Variants in PELI1 observed in about 807,000 individuals in gnomAD.
The protein encoded by PELI1 is E3 ubiquitin-protein ligase pellino homolog 1.
PELI1 carries 15 observed loss-of-function variants against 41.3 expected under a neutral mutation model. The ratio of observed to expected loss-of-function variants is 0.36; its 90% CI spans 0.24 to 0.56. The LOEUF (loss-of-function observed/expected upper bound fraction) is 0.56, where lower values mean the gene tolerates loss of function less well. Ranked by LOEUF, PELI1 falls within the 20% of genes least tolerant of loss-of-function variation. PELI1 has a pLI of 0.82. For missense variants in PELI1, 403 were observed against 525.5 expected (o/e 0.77, Z 2.28); for synonymous variants, 178 against 180.1 (o/e 0.99, Z 0.09).
At chr2:64,108,204 T>G in intron 2 of PELI1, 36 bp downstream of exon 2, 1 of 1,211,858 alleles carries the variant, frequency 8.3e-7, no homozygotes, top group Non-Finnish European at 1.2e-6. Context: ...GCATATATTA[T>G]TAAACTGTGT....
chr2:64,110,560 C>T (rs1183442716), intron 1 of PELI1, among the ~76,000 whole-genome samples: 3 of 152,116 alleles, frequency 2.0e-5, no homozygotes, highest in Non-Finnish European at 2.9e-5. Flanking sequence ...AACACGGTAG[C>T]AAAAATATGA....
chr2:64,093,420 C>G lies in PELI1; in HGVS notation c.*1282G>C, dbSNP rs1465308966. On this transcript the variant is annotated 3_prime_UTR_variant, in exon 7 of 7. Transcript: ENST00000358912. ...AAAAGATTTGATGTAGTGCAACTGT[C>G]TATACTTGTGGTGCCTTTGAAAAAA... The G allele has an allele frequency of 6.6e-6, 1 of 152,556 alleles. No individual in the cohort carries two copies. Among genetic ancestry groups the G allele is most frequent in the Non-Finnish European group, 1.5e-5 (1 of 68,012 alleles). 9.5% of individuals were successfully genotyped at this position (152,556 alleles called of 1,614,324 possible). A position where few individuals can be genotyped will look rare whatever the true frequency, so the allele number is the denominator to read the frequency against.
Position 64,100,264 on chromosome 2 carries a change from G to T in PELI1, c.303+134C>A, listed in dbSNP as rs1172407970. The T allele has an allele frequency of 2.7e-5, 16 of 599,678 alleles. No individual in the cohort carries two copies. The East Asian group carries it at 3.4e-4, about 13-fold the overall frequency. 37.1% of individuals were successfully genotyped at this position (599,678 alleles called of 1,614,324 possible). Reference sequence around the variant, plus strand: ...GCTAGATTGACTTCTATTTATAAGGGTTAGCAATCAATCTATATTTTAATA... The same window carrying T: ...GCTAGATTGACTTCTATTTATAAGGTTTAGCAATCAATCTATATTTTAATA... On this transcript the variant is annotated intron_variant, in intron 4 of 6. Coordinates refer to ENST00000358912, the MANE Select transcript of PELI1 (RefSeq NM_020651.4).
At chr2:64,127,941 C>T (rs1681441486) in intron 1 of PELI1, among the ~76,000 whole-genome samples, 1 of 152,040 alleles carries the variant, frequency 6.6e-6, no homozygotes, top group Non-Finnish European at 1.5e-5. Context: ...AAACAGGCTC[C>T]TCCCGTTCAT....
chr2:64,109,595 A>G (rs1680737610), intron 1 of PELI1, among the ~76,000 whole-genome samples: 1 of 152,170 alleles, frequency 6.6e-6, no homozygotes, highest in South Asian at 2.1e-4. Flanking sequence ...CAGGAGAACC[A>G]CTTGAACCCG....
In PELI1 at chr2:64,096,630, A is replaced by T; in HGVS notation, c.304-20T>A. 6.7e-7 allele frequency: 1 copy of T among 1,494,606 alleles called. No individual in the cohort carries two copies. The highest frequency in any genetic ancestry group is 9.3e-7 in the Non-Finnish European group (1 of 1,076,636). The allele number at this position is 1,494,606 out of a possible 1,614,324, so 92.6% of individuals were successfully genotyped here. A position where few individuals can be genotyped will look rare whatever the true frequency, so the allele number is the denominator to read the frequency against. ...GCCAATCTGAGGGAAAAAAAAAAAT[A>T]CCTATAAACCCATTCAAAGAGCACA... On this transcript the variant is annotated intron_variant, in intron 4 of 6. Coordinates refer to ENST00000358912, the MANE Select transcript of PELI1 (RefSeq NM_020651.4).
intron 1 of PELI1, among the ~76,000 whole-genome samples, chr2:64,130,069 T>C (rs972379970): frequency 6.6e-6 from 1 of 152,366 alleles, no homozygotes; most frequent in Middle Eastern, 3.4e-3. Context: ...CTTTTGATTT[T>C]GAGATTTTGA....
intron 1 of PELI1, among the ~76,000 whole-genome samples, chr2:64,141,127 C>T (rs1278350330): frequency 5.3e-5 from 8 of 152,146 alleles, no homozygotes; most frequent in African/African-American, 2.4e-5. Context: ...TAGACTTCAA[C>T]TAGAATTTTG....
chr2:64,122,712 G>A (rs372262398), intron 1 of PELI1, among the ~76,000 whole-genome samples: 1 of 152,066 alleles, frequency 6.6e-6, no homozygotes, highest in Non-Finnish European at 1.5e-5. Flanking sequence ...CATTTGTATT[G>A]AATATCGAAA....
chr2:64,104,111 T>C (rs990292635), intron 3 of PELI1, among the ~76,000 whole-genome samples: 1 of 152,244 alleles, frequency 6.6e-6, no homozygotes, highest in Non-Finnish European at 1.5e-5. Flanking sequence ...TGAGAAGTTA[T>C]ATTGTAGATG....
chr2:64,110,589 C>T (rs1476623894), intron 1 of PELI1, among the ~76,000 whole-genome samples: 3 of 152,164 alleles, frequency 2.0e-5, no homozygotes, highest in Non-Finnish European at 4.4e-5. Context: ...AATCGACTTT[C>T]CTTCTCTTGA....
rs1258758643 is a variant in PELI1, at chr2:64,111,285, T to A, written c.-69-2906A>T. On this transcript the variant is annotated intron_variant, in intron 1 of 6. Transcript: ENST00000358912. ...TTTGGTGAGAAGGCAACAGGGAATG[T>A]ATGTAGCCCAATGAATAAGAACACG... Among the ~76,000 whole-genome samples, 6 of 152,152 alleles carry A rather than the reference T, an allele frequency of 3.9e-5. No homozygotes were observed. The South Asian group carries it at 1.2e-3, about 31-fold the overall frequency.
intron 3 of PELI1, among the ~76,000 whole-genome samples, chr2:64,101,386 G>C (rs918192204): frequency 3.3e-5 from 5 of 151,406 alleles, no homozygotes; most frequent in Non-Finnish European, 5.9e-5. Flanking sequence ...CAAAGGAAAG[G>C]GATGTAATGC....
At chr2:64,115,446 C>G (rs764073859) in intron 1 of PELI1, among the ~76,000 whole-genome samples, 11 of 152,120 alleles carry the variant, frequency 7.2e-5, no homozygotes, top group African/African-American at 2.7e-4. Context: ...AATGCTTTCA[C>G]GTAAGATTAT....
At chr2:64,143,738 C>CTT (rs1681998796) in intron 1 of PELI1, among the ~76,000 whole-genome samples, 4 of 152,136 alleles carry the variant, frequency 2.6e-5, no homozygotes, top group Non-Finnish European at 5.9e-5. Flanking sequence ...TTGTTTCTCC[C>CTT]ATTTCCCTCT....
In PELI1 at chr2:64,104,757, C is replaced by A; in HGVS notation, c.145G>T (p.Ala49Ser). 6.2e-7 allele frequency: 1 copy of A among 1,612,386 alleles called. No individual in the cohort carries two copies. The change falls in exon 3 of 7, where the codon GCA (alanine) becomes TCA (serine). Residue 49 changes from alanine to serine, a missense_variant. Coordinates refer to ENST00000358912, the MANE Select transcript of PELI1 (RefSeq NM_020651.4). ...SRFALFKRPK[A>S]NGVKPSTVHI... Reference sequence around the variant, plus strand: ...ACAGTGCTGGGCTTCACCCCATTTGCCTTAGGTCTTTTAAACAAAGCAAAC... The same window carrying A: ...ACAGTGCTGGGCTTCACCCCATTTGACTTAGGTCTTTTAAACAAAGCAAAC...
intron 1 of PELI1, among the ~76,000 whole-genome samples, chr2:64,123,542 A>C (rs1427534478): frequency 2.0e-5 from 3 of 152,264 alleles, no homozygotes; most frequent in African/African-American, 7.2e-5. Context: ...CAAATAGCCA[A>C]TATGTACATA....
At chr2:64,104,626 G>C in intron 3 of PELI1, 75 bp downstream of exon 3, 1 of 1,462,140 alleles carries the variant, frequency 6.8e-7, no homozygotes, top group Non-Finnish European at 9.0e-7. Flanking sequence ...GGGAATGCTA[G>C]AGAATACAAA....
At chr2:64,137,846 T>C (rs996888078) in intron 1 of PELI1, among the ~76,000 whole-genome samples, 1 of 152,198 alleles carries the variant, frequency 6.6e-6, no homozygotes, top group Non-Finnish European at 1.5e-5. Context: ...CACGTGTGGC[T>C]CTTAAACTGG....
Sources: gnomAD v4.1 joint callset for allele counts (sites outside exome capture counted in the v4.1 genomes callset) on GRCh38, gnomAD v4.1.1 for gene constraint, MANE v1.5 for transcripts, NCBI Gene and HGNC (gene_info 2026-07-23, HGNC 2026-07-21) for gene names.